ZFHX3: variants seen among roughly 807,000 people sequenced by gnomAD.
The protein encoded by ZFHX3 is zinc finger homeobox protein 3.
Under a neutral mutation model 279.1 loss-of-function variants are expected in ZFHX3, and 42 were observed. The ratio of observed to expected loss-of-function variants is 0.15; its 90% CI spans 0.12 to 0.19. The LOEUF (loss-of-function observed/expected upper bound fraction) is 0.19. ZFHX3 is among the 10% of genes least tolerant of loss of function. The probability of loss-of-function intolerance (pLI) is 1.00; values close to 1 mark genes in which losing one functional copy is unlikely to be tolerated. For synonymous variants in ZFHX3, 2,293 were observed against 1,957.8 expected (o/e 1.17, Z -4.52); for missense variants, 4,981 against 4,754.0 (o/e 1.05, Z -1.40).
At chr16:73,653,702 T>G (rs1465744461) in intron 2 of ZFHX3, among the ~76,000 whole-genome samples, 1 of 150,284 alleles carries the variant, frequency 6.7e-6, no homozygotes. Flanking sequence ...CAAAAGGGAG[T>G]GAAAGTAAAA....
chr16:73,145,061 C>T (rs1966857262), intron 5 of ZFHX3, among the ~76,000 whole-genome samples: 2 of 152,210 alleles, frequency 1.3e-5, no homozygotes, highest in African/African-American at 4.8e-5. Context: ...ACGGCTATCC[C>T]TGTGCTGAAA....
intron 3 of ZFHX3, among the ~76,000 whole-genome samples, chr16:73,425,325 C>T (rs1047317325): frequency 1.3e-5 from 2 of 152,178 alleles, no homozygotes; most frequent in African/African-American, 4.8e-5. Context: ...TCGGCCCTTA[C>T]AGAATGATTA....
At chr16:73,353,324 A>T (rs141790861) in intron 3 of ZFHX3, among the ~76,000 whole-genome samples, 119 of 152,312 alleles carry the variant, frequency 7.8e-4, no homozygotes, top group Middle Eastern at 3.4e-3. Context: ...GGAGCTATGA[A>T]AACCAAAGCA....
At position 72,796,487 on chromosome 16, in the gene ZFHX3, G is replaced by A. The variant is rs747549359; in HGVS notation, c.6195C>T (p.Pro2065=). The A allele has an allele frequency of 1.9e-5, 31 of 1,608,470 alleles. No individual in the cohort carries two copies. In the South Asian group the frequency reaches 2.7e-4, roughly 14 times the overall value. ...GTGAGGTGATGGGTGGGGCTGATGC[G>A]GGGATGGCTGGTGTGGACGCCGGCT... The part of the protein sequence containing the change: ...PPQPASTPAI[P]ASAPPITSPT... The change falls in exon 9 of 10, where the codon CCC becomes CCT. Residue 2065 remains proline (P), a synonymous_variant. Coordinates refer to ENST00000268489, the MANE Select transcript of ZFHX3 (RefSeq NM_006885.4).
intron 4 of ZFHX3, among the ~76,000 whole-genome samples, chr16:72,832,724 G>T (rs1193452948): frequency 6.8e-6 from 1 of 148,120 alleles, no homozygotes; most frequent in Admixed American, 7.0e-5. Flanking sequence ...GTTCCATCCA[G>T]GACCTACAGG....
chr16:73,016,730 C>A (rs1352349706), intron 1 of ZFHX3, among the ~76,000 whole-genome samples: 2 of 152,056 alleles, frequency 1.3e-5, no homozygotes, highest in African/African-American at 4.8e-5. Flanking sequence ...CCATTTACAG[C>A]CTCTCTGTAA....
chr16:72,940,149 T>A (rs1158208721), intron 3 of ZFHX3, among the ~76,000 whole-genome samples: 5 of 151,964 alleles, frequency 3.3e-5, no homozygotes. Flanking sequence ...CGGGCTCAAG[T>A]GGTTCTCCTG....
intron 3 of ZFHX3, among the ~76,000 whole-genome samples, chr16:73,372,531 TAGTC>T (rs2016648905): frequency 6.6e-6 from 1 of 152,256 alleles, no homozygotes; most frequent in Admixed American, 6.5e-5. Context: ...AACTAGAATT[TAGTC>T]AAAGTTAATT....
At chr16:73,770,158 C>T (rs2054001618) in intron 1 of ZFHX3, among the ~76,000 whole-genome samples, 1 of 152,192 alleles carries the variant, frequency 6.6e-6, no homozygotes, top group Non-Finnish European at 1.5e-5. Context: ...TGGATGATTG[C>T]AATTGGTCCA....
chr16:73,714,046 G>A (rs542305618), intron 1 of ZFHX3, among the ~76,000 whole-genome samples: 6 of 152,172 alleles, frequency 3.9e-5, no homozygotes, highest in South Asian at 2.1e-4. Flanking sequence ...TTTCTGACCC[G>A]CGGCACACTG....
At position 73,146,495 on chromosome 16, in the gene ZFHX3, A is replaced by C. The variant is rs189981682; in HGVS notation, c.-1103-2664T>G. ...GGAGGATCAGCTAATACAAACCCCC[A>C]ATGCAGCCTCTGCTAAGACAGACAA... On this transcript the variant is annotated intron_variant, in intron 5 of 17. Coordinates refer to the ZFHX3 transcript ENST00000641206. Among the ~76,000 whole-genome samples the C allele has an allele frequency of 4.8e-3, 727 of 152,220 alleles. 6 individuals carry two copies. The highest frequency in any genetic ancestry group is 0.017 in the African/African-American group (689 of 41,522).
At chr16:73,575,333 G>T (rs1330289584) in intron 2 of ZFHX3, among the ~76,000 whole-genome samples, 19 of 152,224 alleles carry the variant, frequency 1.2e-4, no homozygotes, top group Admixed American at 1.2e-3. Flanking sequence ...GTAAGGAGTT[G>T]CTGGCTAGGA....
intron 2 of ZFHX3, among the ~76,000 whole-genome samples, chr16:73,581,016 C>A (rs990098938): frequency 6.6e-6 from 1 of 151,848 alleles, no homozygotes; most frequent in Non-Finnish European, 1.5e-5. Flanking sequence ...ACAGTCTGGA[C>A]ACAAGGTGTG....
chr16:73,804,648 C>G (rs1022570916), intron 1 of ZFHX3, among the ~76,000 whole-genome samples: 2 of 152,048 alleles, frequency 1.3e-5, no homozygotes, highest in South Asian at 4.1e-4. Context: ...AGCATCATGG[C>G]AAATATGAGT....
At chr16:73,722,218 A>G (rs1328280938) in intron 1 of ZFHX3, among the ~76,000 whole-genome samples, 3 of 152,218 alleles carry the variant, frequency 2.0e-5, no homozygotes, top group African/African-American at 7.2e-5. Flanking sequence ...GCAGTGGACA[A>G]TAAGTAGGCA....
intron 1 of ZFHX3, among the ~76,000 whole-genome samples, chr16:73,690,398 T>G (rs1293322513): frequency 1.3e-5 from 2 of 152,146 alleles, no homozygotes; most frequent in Admixed American, 1.3e-4. Context: ...AAATTTCAAA[T>G]CAATTTTGGG....
At chr16:73,680,776 A>C (rs976073188) in intron 1 of ZFHX3, among the ~76,000 whole-genome samples, 67 of 152,324 alleles carry the variant, frequency 4.4e-4, no homozygotes, top group African/African-American at 1.5e-3. Context: ...AAAATGGTGA[A>C]TCTTAAACTA....
rs571543732 is a variant in ZFHX3 at position 72,849,800 on chromosome 16, T to G, written c.3449-19941A>C. On this transcript the variant is annotated intron_variant, in intron 4 of 9. Transcript: ENST00000268489. Reference sequence around the variant, plus strand: ...GAGCCCTGTCAAGAGTGCCTTTACTTAGAGCTCCAGCTCTCAGCTGACTTC... The same window carrying G: ...GAGCCCTGTCAAGAGTGCCTTTACTGAGAGCTCCAGCTCTCAGCTGACTTC... Among the ~76,000 whole-genome samples, 7 of 134,678 alleles carry G rather than the reference T, an allele frequency of 5.2e-5. No homozygotes were observed. In the South Asian group the frequency reaches 1.7e-3, roughly 33 times the overall value. The allele number at this position is 134,678 out of a possible 152,430, so 88.4% of individuals were successfully genotyped here. A position where few individuals can be genotyped will look rare whatever the true frequency, so the allele number is the denominator to read the frequency against.
intron 1 of ZFHX3, among the ~76,000 whole-genome samples, chr16:73,851,577 A>G (rs536428838): frequency 2.6e-5 from 4 of 152,314 alleles, no homozygotes; most frequent in African/African-American, 9.6e-5. Context: ...TAAAAATTGC[A>G]ACGTGGTATT....
Sources: allele counts gnomAD v4.1 joint callset (sites outside exome capture counted in the v4.1 genomes callset), GRCh38; gene constraint gnomAD v4.1.1; transcripts MANE v1.5; gene names NCBI Gene and HGNC (gene_info 2026-07-23, HGNC 2026-07-21).